Variants in SPINK4 observed in about 807,000 individuals in gnomAD.
SPINK4 encodes the protein serine peptidase inhibitor Kazal type 4.
Under a neutral mutation model 12.3 loss-of-function variants are expected in SPINK4, and 10 were observed. The observed-to-expected ratio is 0.81, with a 90% confidence interval of 0.50 to 1.37. The LOEUF is 1.37. Ranked by LOEUF, SPINK4 falls within the 40% of genes most tolerant of loss-of-function variation. SPINK4 has a pLI of 0.00. For synonymous variants in SPINK4, 37 were observed against 40.2 expected, an observed-to-expected ratio of 0.92 and a Z score of 0.30; for missense variants, 91 against 109.0, an observed-to-expected ratio of 0.84 and a Z score of 0.73.
At chr9:33,240,618 G>T (rs1256797750) in intron 1 of SPINK4, among the ~76,000 whole-genome samples, 2 of 152,240 alleles carry the variant, frequency 1.3e-5, no homozygotes, top group Admixed American at 1.3e-4. Flanking sequence ...TCTCAGGAGA[G>T]ACTGACAAGT....
At chr9:33,240,681 A>G (rs1448723151) in intron 1 of SPINK4, among the ~76,000 whole-genome samples, 1 of 152,140 alleles carries the variant, frequency 6.6e-6, no homozygotes, top group Non-Finnish European at 1.5e-5. Flanking sequence ...AGGTCTTCTG[A>G]GCTCCCGATC....
At position 33,240,203 on chromosome 9, in the gene SPINK4, A is replaced by T. The variant is rs747517704; in HGVS notation, c.-6A>T. Reference sequence around the variant, plus strand: ...CCAGCTCAGGCTACACTATCCCAGGATCAGCATGGCCGTCCGCCAGTGGGT... The same window carrying T: ...CCAGCTCAGGCTACACTATCCCAGGTTCAGCATGGCCGTCCGCCAGTGGGT... On this transcript the variant is annotated 5_prime_UTR_variant, in exon 1 of 4. Coordinates refer to ENST00000379721, the MANE Select transcript of SPINK4 (RefSeq NM_014471.3). 20 of 1,603,490 alleles carry T rather than the reference A, an allele frequency of 1.2e-5. No homozygotes were observed. Among genetic ancestry groups the T allele is most frequent in the Admixed American group, 6.8e-5 (4 of 58,978 alleles).
intron 3 of SPINK4, 105 bp downstream of exon 3, chr9:33,246,833 C>T (rs957084401): frequency 2.1e-6 from 2 of 938,690 alleles, no homozygotes; most frequent in African/African-American, 1.6e-5. Context: ...ACACGCTTGA[C>T]CTGAGAAGAG....
intron 3 of SPINK4, among the ~76,000 whole-genome samples, chr9:33,247,370 G>A (rs1422417608): frequency 1.3e-5 from 2 of 148,948 alleles, no homozygotes. Flanking sequence ...GTTTCACCAT[G>A]TTGGCCAGGC....
chr9:33,248,016 T>C (rs545171608), intron 3 of SPINK4: 1 of 185,612 alleles, frequency 5.4e-6, no homozygotes, highest in African/African-American at 2.3e-5. Flanking sequence ...ATTTGTGGGC[T>C]TGGGTGGCCA....
intron 2 of SPINK4, 65 bp from the exon 3 acceptor site, chr9:33,246,551 A>T (rs1587781055): frequency 7.0e-7 from 1 of 1,433,306 alleles, no homozygotes; most frequent in East Asian, 2.3e-5. Flanking sequence ...TTCCGAGCAG[A>T]ACCCCTGTAT....
At chr9:33,241,290 G>A (rs1020184824) in intron 1 of SPINK4, among the ~76,000 whole-genome samples, 1 of 152,208 alleles carries the variant, frequency 6.6e-6, no homozygotes, top group African/African-American at 2.4e-5. Context: ...GAAAGACCTT[G>A]TTGGCCAACA....
intron 3 of SPINK4, chr9:33,248,041 T>A (rs991290625): frequency 4.1e-5 from 8 of 196,088 alleles, no homozygotes; most frequent in Middle Eastern, 2.0e-3. Flanking sequence ...TTTCATGGGC[T>A]GAGATGGGTG....
intron 1 of SPINK4, among the ~76,000 whole-genome samples, chr9:33,244,756 G>C (rs1051414164): frequency 1.3e-4 from 20 of 152,206 alleles, no homozygotes; most frequent in African/African-American, 4.3e-4. Flanking sequence ...ACAGCAGTAA[G>C]ATAGGGGTGG....
chr9:33,248,512 A>G lies in SPINK4; in HGVS notation c.*41A>G, dbSNP rs774171494. 2 of 1,611,458 alleles carry G rather than the reference A, an allele frequency of 1.2e-6. No individual in the cohort carries two copies. The highest frequency in any genetic ancestry group is 2.2e-5 in the South Asian group (2 of 90,928). On this transcript the variant is annotated 3_prime_UTR_variant, in exon 4 of 4. Transcript: ENST00000379721. ...TCAAGCCATGAAGTGTCAGCTGGAG[A>G]ACAGTGGTGGGCATGGAGAGGATAT...
intron 2 of SPINK4, 69 bp from the exon 3 acceptor site, chr9:33,246,547 G>A: frequency 7.1e-7 from 1 of 1,400,690 alleles, no homozygotes; most frequent in Admixed American, 1.7e-5. Flanking sequence ...CTGGTTCCGA[G>A]CAGAACCCCT....
At position 33,246,763 on chromosome 9, in the gene SPINK4, G is replaced by A. The variant is rs146282630; in HGVS notation, c.215+35G>A. On this transcript the variant is annotated intron_variant, in intron 3 of 3. Coordinates refer to ENST00000379721, the MANE Select transcript of SPINK4 (RefSeq NM_014471.3). ...CCCCACAACCCCTGCTTGCTTGGGT[G>A]GGCCCCATCTCTGGTGCACAGTCTG... 1,057 of 1,575,036 alleles carry A rather than the reference G, an allele frequency of 6.7e-4. 2 individuals carry two copies. The highest frequency in any genetic ancestry group is 1.5e-3 in the Middle Eastern group (9 of 6,002).
At chr9:33,243,892 G>A (rs1207522815) in intron 1 of SPINK4, among the ~76,000 whole-genome samples, 2 of 152,146 alleles carry the variant, frequency 1.3e-5, no homozygotes, top group Non-Finnish European at 2.9e-5. Context: ...CACACCTCCA[G>A]TGATGGGAAA....
At chr9:33,242,561 C>T (rs527804546) in intron 1 of SPINK4, among the ~76,000 whole-genome samples, 1 of 151,936 alleles carries the variant, frequency 6.6e-6, no homozygotes, top group East Asian at 2.0e-4. Context: ...GGTCAGCTTA[C>T]GCAGTACCCT....
chr9:33,248,198 G>A (rs1015125302), intron 3 of SPINK4: 2 of 561,572 alleles, frequency 3.6e-6, no homozygotes, highest in East Asian at 2.9e-5. Flanking sequence ...ATCAGCGTGC[G>A]CTGGTGGTGG....
At chr9:33,242,130 G>A (rs1185583405) in intron 1 of SPINK4, among the ~76,000 whole-genome samples, 3 of 152,232 alleles carry the variant, frequency 2.0e-5, no homozygotes, top group South Asian at 4.2e-4. Context: ...TGCCCGCCTC[G>A]GCTTCCCAAG....
Position 33,248,447 on chromosome 9 carries a change from G to C in SPINK4, c.237G>C (p.Gln79His). Residue 79 changes from glutamine (Q) to histidine (H), a missense_variant, in exon 4 of 4, where the codon CAG becomes CAC. Gln to His is a conservative substitution (Grantham distance 24, BLOSUM62 0). Coordinates refer to ENST00000379721, the MANE Select transcript of SPINK4 (RefSeq NM_014471.3). ...CTAGAAAAACCAAACAGGACATCCA[G>C]ATCATGAAAGATGGCAAATGCTGAT... The part of the protein sequence containing the change: ...LARIKTKQDI[Q>H]IMKDGKC The C allele has an allele frequency of 6.2e-7, 1 of 1,614,120 alleles. No individual in the cohort carries two copies.
At chr9:33,242,019 A>T (rs568552005) in intron 1 of SPINK4, among the ~76,000 whole-genome samples, 1 of 152,176 alleles carries the variant, frequency 6.6e-6, no homozygotes, top group Admixed American at 6.5e-5. Flanking sequence ...AGCTGGGATT[A>T]CAGGCACATG....
At chr9:33,240,846 C>CT in intron 1 of SPINK4, among the ~76,000 whole-genome samples, 1 of 152,258 alleles carries the variant, frequency 6.6e-6, no homozygotes, top group Admixed American at 6.5e-5. Flanking sequence ...GTTCTGAGCC[C>CT]TTAAGACAGA....
Sources: gnomAD v4.1 joint callset for allele counts (sites outside exome capture counted in the v4.1 genomes callset) on GRCh38, gnomAD v4.1.1 for gene constraint, MANE v1.5 for transcripts, NCBI Gene and HGNC (gene_info 2026-07-23, HGNC 2026-07-21) for gene names.